The following RGS6 variants were observed in gnomAD, a reference collection of about 807,000 sequenced individuals.
RGS6 encodes regulator of G-protein signaling 6.
RGS6 carries 30 observed loss-of-function variants against 78.5 expected under a neutral mutation model. The ratio of observed to expected loss-of-function variants is 0.38; its 90% CI spans 0.29 to 0.52. The LOEUF is 0.52. Among genes scored for constraint, RGS6 ranks in the 20% least tolerant of loss-of-function variants. RGS6 has a pLI of 0.85. For missense variants in RGS6, 495 were observed against 609.7 expected (o/e 0.81, Z 1.98); for synonymous variants, 206 against 206.0 (o/e 1.00, Z 0.00).
At position 72,493,660 on chromosome 14, in the gene RGS6, A is replaced by G. The variant is rs192209102; in HGVS notation, c.855-1492A>G. On this transcript the variant is annotated intron_variant, in intron 12 of 17. Transcript: ENST00000553525. ...AAGGGCCATCATGAAATTGCAGAAC[A>G]CTCTAGCAATAAAGAGATGATTCTA... Among the ~76,000 whole-genome samples the G allele has an allele frequency of 3.0e-3, 464 of 152,248 alleles. 7 individuals carry two copies. Among genetic ancestry groups the G allele is most frequent in the Non-Finnish European group, 1.4e-3 (94 of 68,018 alleles).
intron 14 of RGS6, among the ~76,000 whole-genome samples, chr14:72,517,155 A>C (rs1454976057): frequency 6.6e-6 from 1 of 151,994 alleles, no homozygotes; most frequent in Non-Finnish European, 1.5e-5. Flanking sequence ...AAAAAAAGAA[A>C]CAAGTACATC....
intron 17 of RGS6, among the ~76,000 whole-genome samples, chr14:72,556,867 T>A (rs1006680540): frequency 6.6e-6 from 1 of 152,322 alleles, no homozygotes; most frequent in Admixed American, 6.5e-5. Context: ...TTGACTTTTT[T>A]AAAAAAATTG....
chr14:72,369,916 G>A (rs1320113868), intron 3 of RGS6, among the ~76,000 whole-genome samples: 12 of 151,918 alleles, frequency 7.9e-5, no homozygotes, highest in South Asian at 2.1e-4. Context: ...TATTCACTTC[G>A]AAAAGTGGTA....
In RGS6 at chr14:71,957,833, A is replaced by G. The variant is rs531325863; in HGVS notation, c.-20-6939A>G. Among the ~76,000 whole-genome samples, 15 of 152,200 alleles carry G rather than the reference A, an allele frequency of 9.9e-5. No homozygotes were observed. The East Asian group carries it at 2.9e-3, about 29-fold the overall frequency. On this transcript the variant is annotated intron_variant, in intron 1 of 17. Transcript: ENST00000553525. Reference sequence around the variant, plus strand: ...CTGGCTGGAGTGCAGTGGTGTGATCATAGCTCAGTGTAGCCTCCAACTCCT... The same window carrying G: ...CTGGCTGGAGTGCAGTGGTGTGATCGTAGCTCAGTGTAGCCTCCAACTCCT...
chr14:72,419,407 G>T (rs952188333), intron 3 of RGS6, among the ~76,000 whole-genome samples: 5 of 152,216 alleles, frequency 3.3e-5, no homozygotes, highest in Admixed American at 2.0e-4. Flanking sequence ...GGAAGTGGCA[G>T]AGCCAGGCTT....
intron 12 of RGS6, among the ~76,000 whole-genome samples, chr14:72,484,500 T>C (rs902231381): frequency 2.6e-5 from 4 of 152,150 alleles, no homozygotes; most frequent in Admixed American, 2.0e-4. Flanking sequence ...GCATTTCTTC[T>C]TCCTCCAACT....
the RGS6 span, among the ~76,000 whole-genome samples, chr14:72,612,993 CGTGTGTGTGTGTGTGTGT>C: frequency 6.7e-6 from 1 of 148,852 alleles, no homozygotes; most frequent in Non-Finnish European, 1.5e-5. Context: ...TTAAGTAGGG[CGTGTGTGTGTGTGTGTGT>C]GTGTGTGTGT....
chr14:72,042,115 T>C (rs966398518), intron 2 of RGS6, among the ~76,000 whole-genome samples: 2 of 128,532 alleles, frequency 1.6e-5, no homozygotes, highest in African/African-American at 2.7e-5. Context: ...ACTTTCCTTT[T>C]TCTTTTTCTT....
the RGS6 span, among the ~76,000 whole-genome samples, chr14:71,872,075 G>A: frequency 6.6e-6 from 1 of 152,086 alleles, no homozygotes; most frequent in Non-Finnish European, 1.5e-5. Flanking sequence ...GCATGCTGTG[G>A]GCAGCCACCC....
intron 2 of RGS6, among the ~76,000 whole-genome samples, chr14:72,169,802 T>G (rs970880447): frequency 6.6e-6 from 1 of 152,192 alleles, no homozygotes; most frequent in East Asian, 1.9e-4. Flanking sequence ...GCCTATGAGA[T>G]GCAGAGTATA....
intron 1 of RGS6, among the ~76,000 whole-genome samples, chr14:71,954,173 T>C (rs1009334425): frequency 3.3e-5 from 5 of 151,802 alleles, no homozygotes; most frequent in South Asian, 2.1e-4. Context: ...TTTGTCCTGA[T>C]TGGTGTTTAC....
chr14:72,490,233 G>A (rs895000938), intron 12 of RGS6, among the ~76,000 whole-genome samples: 1 of 152,170 alleles, frequency 6.6e-6, no homozygotes, highest in Admixed American at 6.5e-5. Flanking sequence ...TTTAAAAATG[G>A]GAGTTTCCCT....
chr14:72,412,768 T>C (rs576527387), intron 3 of RGS6, among the ~76,000 whole-genome samples: 423 of 152,326 alleles, frequency 2.8e-3, no homozygotes, highest in South Asian at 5.0e-3. Context: ...GTATGTTGTG[T>C]CTTTGTTCTC....
chr14:71,963,932 A>T (rs143397504), intron 1 of RGS6, among the ~76,000 whole-genome samples: 6 of 152,166 alleles, frequency 3.9e-5, no homozygotes, highest in Non-Finnish European at 8.8e-5. Context: ...TTGAGGAAAC[A>T]CTAAGCTGTT....
At position 72,563,732 on chromosome 14, in the gene RGS6, C is replaced by T. The variant is rs2097697269; in HGVS notation, c.*1265C>T. The T allele has an allele frequency of 6.6e-6, 1 of 152,238 alleles. No individual in the cohort carries two copies. The highest frequency in any genetic ancestry group is 1.5e-5 in the Non-Finnish European group (1 of 68,054). 9.4% of individuals were successfully genotyped at this position (152,238 alleles called of 1,614,324 possible). A position where few individuals can be genotyped will look rare whatever the true frequency, so the allele number is the denominator to read the frequency against. ...AGCACCGAGTCAGGTGCCTGATACGCAGTAGGTGCTTAGCAAACGGTAGCT... is the reference window on the plus strand; with the variant it reads ...AGCACCGAGTCAGGTGCCTGATACGTAGTAGGTGCTTAGCAAACGGTAGCT... On this transcript the variant is annotated 3_prime_UTR_variant, in exon 18 of 18. Transcript: ENST00000553525.
chr14:71,875,856 A>T, the RGS6 span, among the ~76,000 whole-genome samples: 1 of 152,090 alleles, frequency 6.6e-6, no homozygotes, highest in African/African-American at 2.4e-5. Context: ...CTTTGTTCTC[A>T]TTGGTTTCAA....
intron 3 of RGS6, among the ~76,000 whole-genome samples, chr14:72,395,793 T>C (rs2091108387): frequency 1.3e-5 from 2 of 152,200 alleles, no homozygotes; most frequent in South Asian, 2.1e-4. Flanking sequence ...TTTGGTTTTT[T>C]TCCCTTGCGA....
chr14:72,300,184 C>CT (rs60892862), intron 2 of RGS6, among the ~76,000 whole-genome samples: 1,677 of 149,404 alleles, frequency 0.011, 14 homozygotes, highest in East Asian at 0.039. Flanking sequence ...TTTTCTCTAT[C>CT]TTTTTTTTTT....
At chr14:71,936,342 A>G (rs1009192915) in intron 1 of RGS6, among the ~76,000 whole-genome samples, 1 of 151,914 alleles carries the variant, frequency 6.6e-6, no homozygotes, top group South Asian at 2.1e-4. Flanking sequence ...TGCCTCCTTT[A>G]TATTCGCTGG....
Sources: gnomAD v4.1 joint callset for allele counts (sites outside exome capture counted in the v4.1 genomes callset) on GRCh38, gnomAD v4.1.1 for gene constraint, MANE v1.5 for transcripts, NCBI Gene and HGNC (gene_info 2026-07-23, HGNC 2026-07-21) for gene names.